Variants in SEPTIN10 observed in about 807,000 individuals in gnomAD.
SEPTIN10 encodes septin 10.
In SEPTIN10, 66 loss-of-function variants were observed where a neutral mutation model predicts 54.8. The ratio of observed to expected loss-of-function variants is 1.21; its 90% confidence interval spans 0.99 to 1.48. SEPTIN10 has a LOEUF of 1.48. Among genes scored for constraint, SEPTIN10 ranks in the 40% most tolerant of loss-of-function variants. The pLI, the probability that SEPTIN10 is intolerant of heterozygous loss-of-function variation, is 0.00. For missense variants in SEPTIN10, 620 were observed against 545.6 expected (o/e 1.14, Z -1.36); for synonymous variants, 161 against 181.0 (o/e 0.89, Z 0.89).
chr2:109,591,924 A>T (rs1316899189), intron 2 of SEPTIN10, among the ~76,000 whole-genome samples: 1 of 152,016 alleles, frequency 6.6e-6, no homozygotes, highest in Admixed American at 6.6e-5. Flanking sequence ...ATAAAAAACA[A>T]CTTACTGAAT....
chr2:109,559,964 A>G (rs1484101244), intron 8 of SEPTIN10, among the ~76,000 whole-genome samples: 1 of 122,302 alleles, frequency 8.2e-6, no homozygotes, highest in Non-Finnish European at 1.6e-5. Flanking sequence ...TCTGTCACCC[A>G]GGCTGGAGTG....
At chr2:109,545,883 C>T in intron 10 of SEPTIN10, 167 bp downstream of exon 10, 1 of 1,446,042 alleles carries the variant, frequency 6.9e-7, no homozygotes, top group Non-Finnish European at 9.1e-7. Context: ...GCTGGGGAAA[C>T]AGCAGTGAAC....
At chr2:109,554,559 T>C (rs1413222796) in intron 8 of SEPTIN10, among the ~76,000 whole-genome samples, 2 of 152,004 alleles carry the variant, frequency 1.3e-5, no homozygotes. Context: ...AGACATGCCA[T>C]GAACTTAACG....
intron 9 of SEPTIN10, among the ~76,000 whole-genome samples, chr2:109,546,533 T>C (rs1681296155): frequency 6.6e-6 from 1 of 151,992 alleles, no homozygotes; most frequent in Admixed American, 6.6e-5. Context: ...GTATTTTCCC[T>C]ACAAAACTTC....
intron 8 of SEPTIN10, among the ~76,000 whole-genome samples, chr2:109,562,544 G>C (rs1685952016): frequency 6.6e-6 from 1 of 152,122 alleles, no homozygotes; most frequent in African/African-American, 2.4e-5. Context: ...AATTCTGACT[G>C]CAGATTTCTA....
At chr2:109,601,021 G>A (rs1384705775) in intron 1 of SEPTIN10, among the ~76,000 whole-genome samples, 2 of 152,174 alleles carry the variant, frequency 1.3e-5, no homozygotes, top group Admixed American at 6.6e-5. Flanking sequence ...CCCAACACAT[G>A]GATGTGTGTA....
At position 109,550,311 on chromosome 2, in the gene SEPTIN10, CTT is replaced by C. The variant is rs796411788; in HGVS notation, c.1161+2774_1161+2775del. 4.2e-5 allele frequency among the ~76,000 whole-genome samples: 6 copies of C among 143,394 alleles called. 1 individual carries two copies. Among genetic ancestry groups the C allele is most frequent in the African/African-American group, 1.5e-4 (6 of 39,350 alleles). The allele number at this position is 143,394 out of a possible 152,430, so 94.1% of individuals were successfully genotyped here. A position where few individuals can be genotyped will look rare whatever the true frequency, so the allele number is the denominator to read the frequency against. ...GTCTCAAAAAACAAAAAAAAAGTAT[CTT>C]TTTTTTTTTTGTTTTTTGAGACGGA... On this transcript the variant is annotated intron_variant, in intron 9 of 10. Coordinates refer to ENST00000397712, the MANE Select transcript of SEPTIN10 (RefSeq NM_144710.5).
Position 109,585,133 on chromosome 2 carries a change from CTTT to C in SEPTIN10, c.403_405del (p.Lys135del), listed in dbSNP as rs1266590539. 1 of 1,571,538 alleles carries C rather than the reference CTTT, an allele frequency of 6.4e-7. No individual in the cohort carries two copies. The highest frequency in any genetic ancestry group is 8.6e-7 in the Non-Finnish European group (1 of 1,160,104). The stretch of plus-strand genomic sequence containing the variant: ...CAAGAAGAAAACACATACCTCTCTT[CTTT>C]ATTTATTTGGTCACCAAATCCCACT... On this transcript the variant is annotated inframe_deletion, in exon 4 of 11. Transcript: ENST00000397712.
In SEPTIN10 at chr2:109,564,517, A is replaced by C. The variant is rs1312183496; in HGVS notation, c.877T>G (p.Cys293Gly). The part of the protein sequence containing the change: ...GVVQVENENH[C>G]DFVKLREMLI... ...ATTTCCCGCAGCTTTACAAAGTCACAGTGGTTTTCATTTTCCACTAGCCAA... is the reference window on the plus strand; with the variant it reads ...ATTTCCCGCAGCTTTACAAAGTCACCGTGGTTTTCATTTTCCACTAGCCAA... Residue 293 changes from cysteine (C) to glycine (G), a missense_variant, in exon 8 of 11, where the codon TGT becomes GGT. Physicochemically the swap from Cys to Gly is radical, Grantham distance 159. Coordinates refer to ENST00000397712, the MANE Select transcript of SEPTIN10 (RefSeq NM_144710.5). The C allele has an allele frequency of 2.0e-6, 3 of 1,523,494 alleles. No individual in the cohort carries two copies. The highest frequency in any genetic ancestry group is 2.8e-5 in the African/African-American group (2 of 72,466). The allele number at this position is 1,523,494 out of a possible 1,614,324, so 94.4% of individuals were successfully genotyped here.
Position 109,585,309 on chromosome 2 carries a change from A to G in SEPTIN10, c.230T>C (p.Ile77Thr), listed in dbSNP as rs1177478203. ...TGTGTCAATCAGTGTTGATTTTCCA[A>G]TTCCAGTTTCCCCTGAAACACACAA... ...FNILCVGETGIGKSTLIDTLF... is the reference protein window; with the variant it reads ...FNILCVGETGTGKSTLIDTLF... Residue 77 changes from isoleucine (I) to threonine (T), a missense_variant, in exon 4 of 11, where the codon ATT becomes ACT. Transcript: ENST00000397712. 6.2e-7 allele frequency: 1 copy of G among 1,600,500 alleles called. No individual in the cohort carries two copies. Among genetic ancestry groups the G allele is most frequent in the South Asian group, 1.1e-5 (1 of 87,956 alleles).
chr2:109,553,238 T>C lies in SEPTIN10; in HGVS notation c.1029-19A>G. The C allele has an allele frequency of 6.2e-7, 1 of 1,612,422 alleles. No homozygotes were observed. The highest frequency in any genetic ancestry group is 8.5e-7 in the Non-Finnish European group (1 of 1,179,602). On this transcript the variant is annotated intron_variant, in intron 8 of 10. Transcript: ENST00000397712. ...TTGAACACTAAAAAGTTATTTGTGT[T>C]ACTCTCCTGCTAAAAAGTGATATAG...
chr2:109,574,679 G>A lies in SEPTIN10; in HGVS notation c.502C>T (p.His168Tyr), dbSNP rs768758223. Residue 168 changes from histidine to tyrosine, a missense_variant, in exon 5 of 11, where the codon CAT becomes TAT. By Grantham distance (83) the His-to-Tyr change is moderately conservative. Coordinates refer to ENST00000397712, the MANE Select transcript of SEPTIN10 (RefSeq NM_144710.5). The part of the protein sequence containing the change: ...LKIKRSLFTY[H>Y]DSRIHVCLYF... Reference sequence around the variant, plus strand: ...AGACACACATGGATGCGAGAATCATGGTAGGTAAAGAGAGAACGCTTAATC... The same window carrying A: ...AGACACACATGGATGCGAGAATCATAGTAGGTAAAGAGAGAACGCTTAATC... 25 of 1,610,088 alleles carry A rather than the reference G, an allele frequency of 1.6e-5. No homozygotes were observed. The highest frequency in any genetic ancestry group is 1.3e-4 in the South Asian group (12 of 90,354).
chr2:109,585,212 T>C lies in SEPTIN10; in HGVS notation c.327A>G (p.Thr109=), dbSNP rs569058795. The change falls in exon 4 of 11, where the codon ACA becomes ACG. Residue 109 remains threonine, a synonymous_variant. Coordinates refer to ENST00000397712, the MANE Select transcript of SEPTIN10 (RefSeq NM_144710.5). ...GAACATTACTTTCCTGGAGTTCATA[T>C]GTCTGAGCTTTAAGTTTAACATTTG... is the stretch of plus-strand genomic sequence containing the variant. The part of the protein sequence containing the change: ...FCPNVKLKAQ[T]YELQESNVQL... 117 of 1,613,242 alleles carry C rather than the reference T, an allele frequency of 7.3e-5. 1 individual carries two copies. Among genetic ancestry groups the C allele is most frequent in the African/African-American group, 6.9e-4 (52 of 75,030 alleles).
At chr2:109,590,969 A>C (rs1693926361) in intron 2 of SEPTIN10, among the ~76,000 whole-genome samples, 2 of 152,246 alleles carry the variant, frequency 1.3e-5, no homozygotes, top group African/African-American at 4.8e-5. Flanking sequence ...AGAGCAGAGA[A>C]GGAAGATGGG....
chr2:109,584,397 C>G (rs935769297), intron 4 of SEPTIN10, among the ~76,000 whole-genome samples: 2 of 137,116 alleles, frequency 1.5e-5, no homozygotes, highest in Non-Finnish European at 3.0e-5. Flanking sequence ...ACCGCTTGAA[C>G]TGGGGAGGTG....
At chr2:109,585,432 G>A in intron 3 of SEPTIN10, 111 bp from the exon 4 acceptor site, 1 of 903,506 alleles carries the variant, frequency 1.1e-6, no homozygotes, top group Non-Finnish European at 1.7e-6. Context: ...AGGCCAGGGT[G>A]CGCATGAAAG....
chr2:109,567,126 C>T (rs944623709), intron 6 of SEPTIN10, among the ~76,000 whole-genome samples: 2 of 151,956 alleles, frequency 1.3e-5, no homozygotes, highest in African/African-American at 4.8e-5. Context: ...CACTGTTAGG[C>T]GCTTAACAAA....
rs79975047 is a variant in SEPTIN10 at position 109,585,235 on chromosome 2, T to A, written c.304A>T (p.Asn102Tyr). Residue 102 changes from asparagine to tyrosine, a missense_variant, in exon 4 of 11, where the codon AAT becomes TAT. Physicochemically the swap from Asn to Tyr is moderately radical, Grantham distance 143. Transcript: ENST00000397712. ...TATGTCTGAGCTTTAAGTTTAACAT[T>A]TGGGCAAAAATGTGAGGATTCATAG... is the stretch of plus-strand genomic sequence containing the variant. The part of the protein sequence containing the change: ...EDYESSHFCP[N>Y]VKLKAQTYEL... 1 of 1,613,064 alleles carries A rather than the reference T, an allele frequency of 6.2e-7. No individual in the cohort carries two copies. The highest frequency in any genetic ancestry group is 8.5e-7 in the Non-Finnish European group (1 of 1,179,434).
chr2:109,557,723 TAAA>T (rs1242898845), intron 8 of SEPTIN10, among the ~76,000 whole-genome samples: 2 of 152,248 alleles, frequency 1.3e-5, no homozygotes, highest in African/African-American at 4.8e-5. Flanking sequence ...GAATGGTCTA[TAAA>T]GTTAGTATTC....
Sources: allele counts gnomAD v4.1 joint callset (sites outside exome capture counted in the v4.1 genomes callset), GRCh38; gene constraint gnomAD v4.1.1; transcripts MANE v1.5; gene names NCBI Gene and HGNC (gene_info 2026-07-23, HGNC 2026-07-21).